The following TCF20 variants were observed in gnomAD, a reference collection of about 807,000 sequenced individuals.
TCF20 encodes the protein transcription factor 20.
Under a neutral mutation model 148.6 loss-of-function variants are expected in TCF20, and 3 were observed. The ratio of observed to expected loss-of-function variants is 0.02; its 90% CI spans 0.01 to 0.05. The LOEUF (loss-of-function observed/expected upper bound fraction) is 0.05, where lower values mean the gene tolerates loss of function less well. Ranked by LOEUF, TCF20 falls within the 10% of genes least tolerant of loss-of-function variation. TCF20 has a pLI of 1.00. For missense variants in TCF20, 2,350 were observed against 2,429.3 expected, an observed-to-expected ratio of 0.97 and a Z score of 0.69; for synonymous variants, 1,049 against 909.5, an observed-to-expected ratio of 1.15 and a Z score of -2.76.
chr22:42,309,077 T>C (rs1005304239), intron 1 of TCF20, among the ~76,000 whole-genome samples: 7 of 151,938 alleles, frequency 4.6e-5, no homozygotes, highest in African/African-American at 1.5e-4. Flanking sequence ...GAGAGAAGCA[T>C]GGCCGGCCGG....
At chr22:42,253,843 C>CA (rs532431428) in intron 1 of TCF20, among the ~76,000 whole-genome samples, 113 of 152,082 alleles carry the variant, frequency 7.4e-4, no homozygotes, top group African/African-American at 2.5e-3. Flanking sequence ...TTTGGGAGGC[C>CA]AGGCAGGAGA....
chr22:42,265,435 A>T (rs1331126268), intron 1 of TCF20, among the ~76,000 whole-genome samples: 2 of 152,212 alleles, frequency 1.3e-5, no homozygotes, highest in African/African-American at 4.8e-5. Context: ...CAGCCTCCTG[A>T]ATAGTCTGGA....
At chr22:42,283,802 G>A (rs976467169) in intron 1 of TCF20, among the ~76,000 whole-genome samples, 1 of 152,082 alleles carries the variant, frequency 6.6e-6, no homozygotes, top group African/African-American at 2.4e-5. Context: ...CACGACCGCG[G>A]GAGAGGCACC....
At position 42,209,713 on chromosome 22, in the gene TCF20, T is replaced by G. The variant is rs760918122; in HGVS notation, c.5593A>C (p.Ile1865Leu). ...HEGCILWANG[I>L]YLVCGRLYGL... ...TAGAGCCTGCCACAAACCAGGTAGATTCCATTGGCCCAGAGAATACAACCC... is the reference window on the plus strand; with the variant it reads ...TAGAGCCTGCCACAAACCAGGTAGAGTCCATTGGCCCAGAGAATACAACCC... The change falls in exon 2 of 6, where the codon ATC becomes CTC. Residue 1865 changes from isoleucine (I) to leucine (L), a missense_variant. Coordinates refer to ENST00000677622, the MANE Select transcript of TCF20 (RefSeq NM_001378418.1). 6.2e-7 allele frequency: 1 copy of G among 1,614,090 alleles called. No homozygotes were observed. Among genetic ancestry groups the G allele is most frequent in the Admixed American group, 1.7e-5 (1 of 60,012 alleles).
In TCF20 at chr22:42,210,631, G is replaced by C. The variant is rs553037308; in HGVS notation, c.4675C>G (p.Pro1559Ala). 2 of 1,614,190 alleles carry C rather than the reference G, an allele frequency of 1.2e-6. No homozygotes were observed. The highest frequency in any genetic ancestry group is 1.7e-6 in the Non-Finnish European group (2 of 1,180,042). ...GGTATCTGTGGGGGCTGAGGGGGTGGAGGCGGTGGCTGCTGCTGTTTCTTT... is the reference window on the plus strand; with the variant it reads ...GGTATCTGTGGGGGCTGAGGGGGTGCAGGCGGTGGCTGCTGCTGTTTCTTT... ...KQKKQQQPPP[P>A]PPQPPQIPEG... Residue 1559 changes from proline (P) to alanine (A), a missense_variant, in exon 2 of 6, where the codon CCA becomes GCA. Transcript: ENST00000677622. The surrounding 1 kb of genome is among the most constrained non-coding windows in gnomAD (Gnocchi z 4.7).
intron 3 of TCF20, among the ~76,000 whole-genome samples, chr22:42,170,626 CAAAAAAAAAAAAAA>C (rs58579686): frequency 1.4e-5 from 1 of 72,104 alleles, no homozygotes; most frequent in African/African-American, 6.1e-5. Flanking sequence ...GACTCCGTCT[CAAAAAAAAAAAAAA>C]AAAAAAAAAA....
At chr22:42,260,517 A>G (rs1317320406) in intron 1 of TCF20, among the ~76,000 whole-genome samples, 1 of 152,194 alleles carries the variant, frequency 6.6e-6, no homozygotes, top group Non-Finnish European at 1.5e-5. Flanking sequence ...TTGAGATGAG[A>G]GGGAACAAAT....
chr22:42,204,682 T>C (rs1938270703), intron 2 of TCF20, among the ~76,000 whole-genome samples: 1 of 151,674 alleles, frequency 6.6e-6, no homozygotes, highest in African/African-American at 2.4e-5. Context: ...CTGTCTCTAT[T>C]AAAAATACAA....
chr22:42,251,364 T>G (rs977066392), intron 1 of TCF20, among the ~76,000 whole-genome samples: 1 of 152,040 alleles, frequency 6.6e-6, no homozygotes, highest in African/African-American at 2.4e-5. Context: ...TATTTTTTTG[T>G]AGAGACAGGG....
At chr22:42,264,101 G>C (rs1357409636) in intron 1 of TCF20, among the ~76,000 whole-genome samples, 1 of 152,130 alleles carries the variant, frequency 6.6e-6, no homozygotes, top group Non-Finnish European at 1.5e-5. Flanking sequence ...GAGCCCTCCT[G>C]GCTATGGTTA....
chr22:42,213,834 G>A lies in TCF20; in HGVS notation c.1472C>T (p.Ser491Phe). Reference protein sequence around the residue: ...PQKKTSKRPSSSKKADSCTNS... With the variant: ...PQKKTSKRPSFSKKADSCTNS... ...TGTGCAGCTATCTGCTTTCTTGGAA[G>A]ATGAGGGCCTCTTGGAGGTCTTCTT... Residue 491 changes from serine to phenylalanine, a missense_variant, in exon 2 of 6, where the codon TCT (serine) becomes TTT (phenylalanine). By Grantham distance (155) the Ser-to-Phe change is radical (BLOSUM62 -2). Around this residue, in one of 7 missense-constraint regions of TCF20, gnomAD observed 1,641 missense variants for 1,662.6 expected, o/e 0.99. Transcript: ENST00000677622. 12 of 1,614,224 alleles carry A rather than the reference G, an allele frequency of 7.4e-6. No homozygotes were observed. The highest frequency in any genetic ancestry group is 1.0e-5 in the Non-Finnish European group (12 of 1,180,040).
At chr22:42,284,764 C>T (rs1310480448), upstream of TCF20, among the ~76,000 whole-genome samples, 4 of 152,214 alleles carry the variant, frequency 2.6e-5, no homozygotes, top group Non-Finnish European at 4.4e-5. Context: ...ACAACAGCAG[C>T]GTCCGTTCCG....
intron 1 of TCF20, among the ~76,000 whole-genome samples, chr22:42,249,497 C>CAA (rs1462024484): frequency 7.9e-5 from 12 of 152,102 alleles, no homozygotes; most frequent in Non-Finnish European, 1.5e-5. Flanking sequence ...TCTTCCCTCG[C>CAA]AAAAAGGCTC....
intron 1 of TCF20, among the ~76,000 whole-genome samples, chr22:42,328,652 C>A (rs116250366): frequency 7.5e-4 from 114 of 152,352 alleles, no homozygotes; most frequent in African/African-American, 2.7e-3. Context: ...TCTGTGCCTC[C>A]GTTTCCTGGT....
At chr22:42,196,470 C>T (rs150967561) in intron 2 of TCF20, among the ~76,000 whole-genome samples, 2 of 152,276 alleles carry the variant, frequency 1.3e-5, no homozygotes, top group East Asian at 3.9e-4. Flanking sequence ...AAGAACCCTA[C>T]CTAGAAACAA....
Position 42,317,428 on chromosome 22 carries a change from G to A in TCF20, c.-37+26051C>T, listed in dbSNP as rs1927651852. On this transcript the variant is annotated intron_variant, in intron 1 of 1. Transcript: ENST00000515426. This position sits in a 1 kb window ranked among gnomAD's most constrained non-coding sequence, Gnocchi z 4.2. Reference sequence around the variant, plus strand: ...GTGACGGAGCTTCGATTTAAACACAGATGACGGAAAATCTCCTTTTCCTCC... The same window carrying A: ...GTGACGGAGCTTCGATTTAAACACAAATGACGGAAAATCTCCTTTTCCTCC... Among the ~76,000 whole-genome samples, 1 of 152,174 alleles carries A rather than the reference G, an allele frequency of 6.6e-6. No individual in the cohort carries two copies. Among genetic ancestry groups the A allele is most frequent in the Non-Finnish European group, 1.5e-5 (1 of 68,032 alleles).
intron 1 of TCF20, among the ~76,000 whole-genome samples, chr22:42,325,756 G>A (rs928151511): frequency 6.6e-6 from 1 of 152,172 alleles, no homozygotes; most frequent in African/African-American, 2.4e-5. Flanking sequence ...GCTGGGAAGT[G>A]GAGGCCGTGG....
intron 1 of TCF20, among the ~76,000 whole-genome samples, chr22:42,337,339 G>A (rs1928084537): frequency 6.6e-6 from 1 of 151,290 alleles, no homozygotes; most frequent in African/African-American, 2.4e-5. Context: ...CCAGTCTTCA[G>A]TACCTTCAGC....
chr22:42,323,977 G>A (rs199737273), intron 1 of TCF20, among the ~76,000 whole-genome samples: 864 of 24,712 alleles, frequency 0.035, 4 homozygotes, highest in Non-Finnish European at 0.053. Context: ...GATGGTGGTG[G>A]TGGAGGTTAT....
Sources: gnomAD v4.1 joint callset for allele counts (sites outside exome capture counted in the v4.1 genomes callset) on GRCh38, gnomAD v4.1.1 for gene constraint, gnomAD v4.1.1 regional missense constraint, Gnocchi (gnomAD v3.1) non-coding constraint, MANE v1.5 for transcripts, NCBI Gene and HGNC (gene_info 2026-07-23, HGNC 2026-07-21) for gene names.